Variants in IKZF1 observed in about 807,000 individuals in gnomAD.
The protein encoded by IKZF1 is IKAROS family zinc finger 1, also known as DNA-binding protein Ikaros.
A neutral mutation model predicts 51.7 loss-of-function variants in IKZF1; 10 were observed. The ratio of observed to expected loss-of-function variants is 0.19; its 90% CI spans 0.12 to 0.33. The LOEUF (loss-of-function observed/expected upper bound fraction) is 0.33. IKZF1 is among the 10% of genes least tolerant of loss of function. The pLI, the probability that IKZF1 is intolerant of heterozygous loss-of-function variation, is 1.00. For missense variants in IKZF1, 484 were observed against 707.5 expected, an observed-to-expected ratio of 0.68 and a Z score of 3.58; for synonymous variants, 280 against 282.3, an observed-to-expected ratio of 0.99 and a Z score of 0.08.
intron 5 of IKZF1, among the ~76,000 whole-genome samples, chr7:50,383,923 T>C (rs1262017518): frequency 6.6e-6 from 1 of 152,260 alleles, no homozygotes; most frequent in Non-Finnish European, 1.5e-5. Flanking sequence ...TGTGTCCATC[T>C]CTTTATCACA....
In IKZF1 at chr7:50,403,499, T is replaced by C. The variant is rs1585050953; in HGVS notation, c.*2872T>C. ...TTGATTACAGCTAGTAATCGCTGTG[T>C]CTTGTTCCGCCCCCTCCCTGACACC... On this transcript the variant is annotated 3_prime_UTR_variant, in exon 8 of 8. Transcript: ENST00000331340. The C allele has an allele frequency of 8.7e-6, 2 of 229,162 alleles. No homozygotes were observed. Among genetic ancestry groups the C allele is most frequent in the East Asian group, 1.2e-4 (2 of 16,202 alleles). The allele number at this position is 229,162 out of a possible 1,614,324, so 14.2% of individuals were successfully genotyped here. A position where few individuals can be genotyped will look rare whatever the true frequency, so the allele number is the denominator to read the frequency against.
chr7:50,376,991 C>G lies in IKZF1; in HGVS notation c.421+198C>G. ...TACAGCCTTGTAAAGGACTTCTCAA[C>G]ACGTACCAATTCCACCCTATAAATA... On this transcript the variant is annotated intron_variant, in intron 4 of 7. Coordinates refer to ENST00000331340, the MANE Select transcript of IKZF1 (RefSeq NM_006060.6). The surrounding 1 kb of genome is among the most constrained non-coding windows in gnomAD (Gnocchi z 4.5). 2 of 860,434 alleles carry G rather than the reference C, an allele frequency of 2.3e-6. No individual in the cohort carries two copies. Among genetic ancestry groups the G allele is most frequent in the Non-Finnish European group, 3.5e-6 (2 of 576,654 alleles). The allele number at this position is 860,434 out of a possible 1,614,324, so 53.3% of individuals were successfully genotyped here.
chr7:50,390,387 T>G (rs1814715338), intron 6 of IKZF1, among the ~76,000 whole-genome samples: 1 of 152,212 alleles, frequency 6.6e-6, no homozygotes, highest in Non-Finnish European at 1.5e-5. Flanking sequence ...ATCTTGCATA[T>G]AAATCAGGGT....
Position 50,318,994 on chromosome 7 carries a change from C to T in IKZF1, c.-14-54C>T, listed in dbSNP as rs898032011. Reference sequence around the variant, plus strand: ...GGGTTCTTTATCTCTCTCTCTTTCTCATATCTTATTAGTATTTTTGCTTTA... The same window carrying T: ...GGGTTCTTTATCTCTCTCTCTTTCTTATATCTTATTAGTATTTTTGCTTTA... On this transcript the variant is annotated intron_variant, in intron 1 of 7. Transcript: ENST00000331340. 16 of 1,113,402 alleles carry T rather than the reference C, an allele frequency of 1.4e-5. No homozygotes were observed. In the East Asian group the frequency reaches 3.3e-4, roughly 23 times the overall value. The allele number at this position is 1,113,402 out of a possible 1,614,324, so 69.0% of individuals were successfully genotyped here.
At chr7:50,359,075 T>A (rs1163437286) in intron 3 of IKZF1, among the ~76,000 whole-genome samples, 3 of 151,992 alleles carry the variant, frequency 2.0e-5, no homozygotes, top group African/African-American at 7.3e-5. Flanking sequence ...ACCTAGGCAA[T>A]ATGGTAAAAC....
At chr7:50,377,906 A>C (rs900619188) in intron 4 of IKZF1, among the ~76,000 whole-genome samples, 1 of 152,138 alleles carries the variant, frequency 6.6e-6, no homozygotes, top group Non-Finnish European at 1.5e-5. Context: ...AGCGTCTCCC[A>C]CTGCAAAACC....
At position 50,402,363 on chromosome 7, in the gene IKZF1, G is replaced by A. The variant is rs549072750; in HGVS notation, c.*1736G>A. 1 of 230,366 alleles carries A rather than the reference G, an allele frequency of 4.3e-6. No homozygotes were observed. The highest frequency in any genetic ancestry group is 1.8e-4 in the South Asian group (1 of 5,496). 14.3% of individuals were successfully genotyped at this position (230,366 alleles called of 1,614,324 possible). A position where few individuals can be genotyped will look rare whatever the true frequency, so the allele number is the denominator to read the frequency against. ...GGCTGACTACTTATTTGTTAGGCGG[G>A]AGCTCTCCTGTGCATTGTAGGATAA... On this transcript the variant is annotated 3_prime_UTR_variant, in exon 8 of 8. Coordinates refer to ENST00000331340, the MANE Select transcript of IKZF1 (RefSeq NM_006060.6).
intron 3 of IKZF1, among the ~76,000 whole-genome samples, chr7:50,362,137 T>C (rs1805442605): frequency 1.3e-5 from 2 of 152,196 alleles, no homozygotes; most frequent in South Asian, 2.1e-4. Context: ...TCTGTCAAGT[T>C]CTCCAAATCA....
chr7:50,313,842 C>T (rs1465381071), intron 1 of IKZF1, among the ~76,000 whole-genome samples: 1 of 152,194 alleles, frequency 6.6e-6, no homozygotes, highest in Non-Finnish European at 1.5e-5. Context: ...AACAAGTGGA[C>T]AAGACAGACA....
intron 1 of IKZF1, among the ~76,000 whole-genome samples, chr7:50,316,984 T>C (rs1441898178): frequency 1.3e-5 from 2 of 152,248 alleles, no homozygotes; most frequent in Non-Finnish European, 2.9e-5. Context: ...AAGATATGTG[T>C]GGTATTAAAT....
At chr7:50,338,421 G>A (rs1798281964) in intron 3 of IKZF1, among the ~76,000 whole-genome samples, 1 of 152,122 alleles carries the variant, frequency 6.6e-6, no homozygotes, top group Non-Finnish European at 1.5e-5. Context: ...TTCCATCTGT[G>A]TTGAAAGAAT....
intron 1 of IKZF1, among the ~76,000 whole-genome samples, chr7:50,315,453 C>G (rs562404728): frequency 9.2e-5 from 14 of 152,144 alleles, no homozygotes; most frequent in African/African-American, 2.2e-4. Flanking sequence ...GCTTCTGTCA[C>G]GTTGGCCCTG....
At chr7:50,373,124 A>C (rs375655870) in intron 3 of IKZF1, among the ~76,000 whole-genome samples, 23 of 152,210 alleles carry the variant, frequency 1.5e-4, no homozygotes, top group Non-Finnish European at 2.8e-4. Context: ...GGCAGCATCC[A>C]TTGTGGGCTT....
chr7:50,389,231 T>C (rs1814314368), intron 6 of IKZF1, among the ~76,000 whole-genome samples: 1 of 152,116 alleles, frequency 6.6e-6, no homozygotes, highest in Non-Finnish European at 1.5e-5. Context: ...GAAAGAAACA[T>C]AAAGGAGTGG....
rs1818514837 is a variant in IKZF1, at chr7:50,403,663, G to A, written c.*3036G>A. ...ACATTATCATTGCATATCAGCAAAG[G>A]GTAAAGTCCTAGCACCAATTGCTTC... On this transcript the variant is annotated 3_prime_UTR_variant, in exon 8 of 8. Coordinates refer to ENST00000331340, the MANE Select transcript of IKZF1 (RefSeq NM_006060.6). 1 of 228,260 alleles carries A rather than the reference G, an allele frequency of 4.4e-6. No homozygotes were observed. Among genetic ancestry groups the A allele is most frequent in the Non-Finnish European group, 8.7e-6 (1 of 114,934 alleles). 14.1% of individuals were successfully genotyped at this position (228,260 alleles called of 1,614,324 possible). A position where few individuals can be genotyped will look rare whatever the true frequency, so the allele number is the denominator to read the frequency against.
At chr7:50,342,227 A>T (rs1461855775) in intron 3 of IKZF1, among the ~76,000 whole-genome samples, 2 of 152,242 alleles carry the variant, frequency 1.3e-5, no homozygotes, top group Admixed American at 1.3e-4. Context: ...TTTTAAGTAC[A>T]GGTCTTGTAC....
chr7:50,316,172 T>A (rs1028571548), intron 1 of IKZF1, among the ~76,000 whole-genome samples: 10 of 152,150 alleles, frequency 6.6e-5, no homozygotes, highest in Admixed American at 2.0e-4. Context: ...CTTTATGATG[T>A]CAGACGAGTC....
intron 3 of IKZF1, among the ~76,000 whole-genome samples, chr7:50,372,442 G>T (rs572783530): frequency 6.6e-6 from 1 of 152,210 alleles, no homozygotes; most frequent in East Asian, 1.9e-4. Context: ...GAAGTTGTCC[G>T]AATAGTGCTA....
chr7:50,332,532 G>C (rs1796638426), intron 3 of IKZF1, among the ~76,000 whole-genome samples: 1 of 152,174 alleles, frequency 6.6e-6, no homozygotes, highest in South Asian at 2.1e-4. Context: ...TTGCAGGCTA[G>C]AAAACGGGAT....
Sources: gnomAD v4.1 joint callset for allele counts (sites outside exome capture counted in the v4.1 genomes callset) on GRCh38, gnomAD v4.1.1 for gene constraint, Gnocchi (gnomAD v3.1) non-coding constraint, MANE v1.5 for transcripts, NCBI Gene and HGNC (gene_info 2026-07-23, HGNC 2026-07-21) for gene names.